The following B3GAT2 variants were observed in gnomAD, a reference collection of about 807,000 sequenced individuals.
B3GAT2 encodes beta-1,3-glucuronyltransferase 2.
Under a neutral mutation model 27.8 loss-of-function variants are expected in B3GAT2, and 26 were observed. The ratio of observed to expected loss-of-function variants is 0.93; its 90% CI spans 0.68 to 1.30. B3GAT2 has a LOEUF of 1.30. Ranked by LOEUF, B3GAT2 falls within the 50% of genes most tolerant of loss-of-function variation. B3GAT2 has a pLI of 0.00. For synonymous variants in B3GAT2, 218 were observed against 195.1 expected (o/e 1.12, Z -0.98); for missense variants, 458 against 459.0 (o/e 1.00, Z 0.02).
At position 70,859,662 on chromosome 6, in the gene B3GAT2, C is replaced by T. The variant is rs1478929891; in HGVS notation, c.*2001G>A. 3.9e-6 allele frequency: 1 copy of T among 258,848 alleles called. No individual in the cohort carries two copies. Among genetic ancestry groups the T allele is most frequent in the African/African-American group, 2.2e-5 (1 of 44,908 alleles). The allele number at this position is 258,848 out of a possible 1,614,324, so 16.0% of individuals were successfully genotyped here. A position where few individuals can be genotyped will look rare whatever the true frequency, so the allele number is the denominator to read the frequency against. ...GCTTATATATATATATATTTGACTC[C>T]AGTCTTGAAGAAAAATACATGTAAT... is the stretch of plus-strand genomic sequence containing the variant. On this transcript the variant is annotated 3_prime_UTR_variant, in exon 4 of 4. Coordinates refer to ENST00000230053, the MANE Select transcript of B3GAT2 (RefSeq NM_080742.3).
At chr6:70,870,562 AAAAG>A (rs1181865685) in intron 2 of B3GAT2, among the ~76,000 whole-genome samples, 1 of 152,108 alleles carries the variant, frequency 6.6e-6, no homozygotes, top group African/African-American at 2.4e-5. Flanking sequence ...AAAAGAAAAA[AAAAG>A]AGTTTTCCTT....
At chr6:70,897,985 A>G (rs749763198) in intron 1 of B3GAT2, among the ~76,000 whole-genome samples, 2 of 152,180 alleles carry the variant, frequency 1.3e-5, no homozygotes, top group Non-Finnish European at 2.9e-5. Flanking sequence ...TGATCTTAAT[A>G]CCAATGCCAC....
chr6:70,901,867 T>C (rs1562223759), intron 1 of B3GAT2, among the ~76,000 whole-genome samples: 1 of 152,146 alleles, frequency 6.6e-6, no homozygotes, highest in Non-Finnish European at 1.5e-5. Flanking sequence ...TTCCTAAATA[T>C]TTAGTGTGAA....
At position 70,946,273 on chromosome 6, in the gene B3GAT2, C is replaced by T. The variant is rs186969528; in HGVS notation, c.591+9566G>A. On this transcript the variant is annotated intron_variant, in intron 1 of 3. Coordinates refer to ENST00000230053, the MANE Select transcript of B3GAT2 (RefSeq NM_080742.3). The stretch of plus-strand genomic sequence containing the variant: ...AAATGCTCCAATTAAAAGACACAGA[C>T]TGATGGGTCTTGACTGGGGATAAAG... Among the ~76,000 whole-genome samples the T allele has an allele frequency of 4.6e-3, 698 of 152,220 alleles. 5 individuals are homozygous for T. Among genetic ancestry groups the T allele is most frequent in the African/African-American group, 0.016 (659 of 41,522 alleles).
At chr6:70,907,722 GACTTT>G (rs1459229685) in intron 1 of B3GAT2, among the ~76,000 whole-genome samples, 2 of 152,196 alleles carry the variant, frequency 1.3e-5, no homozygotes, top group Non-Finnish European at 2.9e-5. Flanking sequence ...TTGCAGGGGT[GACTTT>G]ACAAGTCATG....
At chr6:70,908,195 TA>T (rs1463729889) in intron 1 of B3GAT2, among the ~76,000 whole-genome samples, 1 of 152,164 alleles carries the variant, frequency 6.6e-6, no homozygotes, top group Non-Finnish European at 1.5e-5. Flanking sequence ...GATGAGTGCC[TA>T]AATGGAAGAG....
In B3GAT2 at chr6:70,891,588, C is replaced by G. The variant is rs150451925; in HGVS notation, c.736+2540G>C. Among the ~76,000 whole-genome samples the G allele has an allele frequency of 7.5e-3, 1,149 of 152,246 alleles. 9 individuals are homozygous for G. Among genetic ancestry groups the G allele is most frequent in the Middle Eastern group, 0.024 (7 of 294 alleles). ...TGACCTCACAGAGATACAAACAGGA[C>G]AGGCTCTGAGGGGCTTCTACTGAAT... On this transcript the variant is annotated intron_variant, in intron 2 of 3. Coordinates refer to ENST00000230053, the MANE Select transcript of B3GAT2 (RefSeq NM_080742.3).
intron 2 of B3GAT2, among the ~76,000 whole-genome samples, chr6:70,892,244 T>C (rs1368207086): frequency 6.6e-6 from 1 of 152,208 alleles, no homozygotes; most frequent in African/African-American, 2.4e-5. Context: ...CCCACAGAAT[T>C]TGGCAGTCCT....
chr6:70,860,966 A>ATCTC lies in B3GAT2; in HGVS notation c.*693_*696dup, dbSNP rs1330497928. On this transcript the variant is annotated 3_prime_UTR_variant, in exon 4 of 4. Transcript: ENST00000230053. ...TTTATCTGCCTCTCTTGTAATTTGG[A>ATCTC]TCTCTTCTTAATGTACATAGTGCTA... 1.4e-5 allele frequency: 5 copies of ATCTC among 345,080 alleles called. No homozygotes were observed. The highest frequency in any genetic ancestry group is 1.1e-4 in the African/African-American group (5 of 47,556). 21.4% of individuals were successfully genotyped at this position (345,080 alleles called of 1,614,324 possible).
intron 2 of B3GAT2, among the ~76,000 whole-genome samples, chr6:70,891,748 T>TTGTGTG (rs147352529): frequency 0.024 from 3,480 of 144,714 alleles, 50 homozygotes; most frequent in Middle Eastern, 0.045. Flanking sequence ...AGAGCTCAGA[T>TTGTGTG]TGTGTGTGTG....
intron 2 of B3GAT2, among the ~76,000 whole-genome samples, chr6:70,892,858 A>G (rs894685413): frequency 6.6e-6 from 1 of 152,202 alleles, no homozygotes; most frequent in Admixed American, 6.5e-5. Flanking sequence ...GAGGGTCCTC[A>G]GGACCGTCCA....
rs68188898 is a variant in B3GAT2 at position 70,858,287 on chromosome 6, CTTTTTTTTTTTTTTT to C, written c.*3361_*3375del. On this transcript the variant is annotated 3_prime_UTR_variant, in exon 4 of 4. Transcript: ENST00000230053. Reference sequence around the variant, plus strand: ...ATCAAACCAGATTTATTTTCTAAATCTTTTTTTTTTTTTTTTTTTTTTTTTTTTAAGTCTAGTGAT... The same window carrying C: ...ATCAAACCAGATTTATTTTCTAAATCTTTTTTTTTTTTTAAGTCTAGTGAT... 139 of 290,732 alleles carry C rather than the reference CTTTTTTTTTTTTTTT, an allele frequency of 4.8e-4. 1 individual carries two copies. The highest frequency in any genetic ancestry group is 2.9e-3 in the South Asian group (98 of 33,458). 18.0% of individuals were successfully genotyped at this position (290,732 alleles called of 1,614,324 possible).
chr6:70,906,201 GTC>G (rs1199526839), intron 1 of B3GAT2, among the ~76,000 whole-genome samples: 2 of 152,172 alleles, frequency 1.3e-5, no homozygotes, highest in Admixed American at 6.5e-5. Flanking sequence ...GGGAAAAGAA[GTC>G]TCTAAAGCAC....
In B3GAT2 at chr6:70,892,338, C is replaced by A. The variant is rs538078284; in HGVS notation, c.736+1790G>T. Among the ~76,000 whole-genome samples, 10 of 152,280 alleles carry A rather than the reference C, an allele frequency of 6.6e-5. No individual in the cohort carries two copies. The South Asian group carries it at 2.1e-3, about 32-fold the overall frequency. ...GACCCAAATTCTAGGGGAACCAATG[C>A]AAATATTCAACAAGTCTATTTGATA... is the stretch of plus-strand genomic sequence containing the variant. On this transcript the variant is annotated intron_variant, in intron 2 of 3. Transcript: ENST00000230053.
chr6:70,889,852 G>A (rs191394058), intron 2 of B3GAT2, among the ~76,000 whole-genome samples: 1 of 150,638 alleles, frequency 6.6e-6, no homozygotes, highest in East Asian at 2.0e-4. Flanking sequence ...GTGCAATCTC[G>A]GCTCACTGCA....
chr6:70,910,509 C>T (rs1772672789), intron 1 of B3GAT2, among the ~76,000 whole-genome samples: 1 of 152,102 alleles, frequency 6.6e-6, no homozygotes, highest in Admixed American at 6.6e-5. Flanking sequence ...TCATCTTATT[C>T]TTTTTTTATG....
chr6:70,910,984 GTGTC>G (rs769630583), intron 1 of B3GAT2, among the ~76,000 whole-genome samples: 20 of 152,030 alleles, frequency 1.3e-4, no homozygotes, highest in Non-Finnish European at 1.8e-4. Flanking sequence ...CTTTTGAAAA[GTGTC>G]TGTTCATTTA....
chr6:70,875,971 T>C (rs547370615), intron 2 of B3GAT2, among the ~76,000 whole-genome samples: 4 of 152,304 alleles, frequency 2.6e-5, no homozygotes, highest in South Asian at 2.1e-4. Flanking sequence ...CCAAACATAA[T>C]ATAAAGGGGT....
At chr6:70,891,197 C>T (rs754145276) in intron 2 of B3GAT2, among the ~76,000 whole-genome samples, 5 of 152,182 alleles carry the variant, frequency 3.3e-5, no homozygotes, top group Non-Finnish European at 7.3e-5. Flanking sequence ...CCCCCCAGGG[C>T]CTCACTGGCT....
Sources: gnomAD v4.1 joint callset for allele counts (sites outside exome capture counted in the v4.1 genomes callset) on GRCh38, gnomAD v4.1.1 for gene constraint, MANE v1.5 for transcripts, NCBI Gene and HGNC (gene_info 2026-07-23, HGNC 2026-07-21) for gene names.